The following KRT7 variants were observed in gnomAD, a reference collection of about 807,000 sequenced individuals.
The protein encoded by KRT7 is keratin 7.
KRT7 carries 50 observed loss-of-function variants against 42.8 expected under a neutral mutation model. That is an observed-to-expected ratio of 1.17 (90% CI 0.93 to 1.48). The LOEUF (loss-of-function observed/expected upper bound fraction) is 1.48. Among genes scored for constraint, KRT7 ranks in the 40% most tolerant of loss-of-function variants. The pLI is 0.00. For synonymous variants in KRT7, 268 were observed against 266.3 expected, an observed-to-expected ratio of 1.01 and a Z score of -0.06; for missense variants, 588 against 637.6, an observed-to-expected ratio of 0.92 and a Z score of 0.84.
chr12:52,245,063 AT>A (rs1942148106), intron 6 of KRT7: 1 of 354,738 alleles, frequency 2.8e-6, no homozygotes, highest in African/African-American at 2.2e-5. Flanking sequence ...TCACAATAGC[AT>A]TTATTAAGCA....
chr12:52,250,641 C>A (rs557169704), downstream of KRT7: 1 of 769,538 alleles, frequency 1.3e-6, no homozygotes, highest in Non-Finnish European at 2.2e-6. Context: ...GCTGCTGACA[C>A]CTGCCAGAGG....
chr12:52,252,417 G>C, downstream of KRT7: 4 of 1,614,170 alleles, frequency 2.5e-6, no homozygotes, highest in Non-Finnish European at 3.4e-6. Context: ...CTTGCAGCGG[G>C]CATCACTGAG....
chr12:52,243,334 C>G, intron 6 of KRT7, 197 bp downstream of exon 6: 1 of 619,942 alleles, frequency 1.6e-6, no homozygotes. Flanking sequence ...GAGAAAGGTC[C>G]TGGATGTGCA....
chr12:52,242,430 A>AG (rs917043814), intron 5 of KRT7, among the ~76,000 whole-genome samples: 23 of 152,166 alleles, frequency 1.5e-4, no homozygotes, highest in Non-Finnish European at 7.4e-5. Context: ...TCATGGTGGC[A>AG]GGACAGTTGA....
chr12:52,242,539 A>T (rs140342509), intron 5 of KRT7, among the ~76,000 whole-genome samples: 10 of 152,268 alleles, frequency 6.6e-5, no homozygotes, highest in African/African-American at 2.4e-4. Flanking sequence ...GCCCCTGCAG[A>T]GATAGAGAGT....
Position 52,233,561 on chromosome 12 carries a change from C to T in KRT7, c.265C>T (p.Gln89Ter). The part of the protein sequence containing the change: ...DADPSLQRVR[Q>*]EESEQIKTLN... Reference sequence around the variant, plus strand: ...CGACCCCTCCCTCCAGCGGGTGCGCCAGGAGGAGAGCGAGCAGATCAAGAC... The same window carrying T: ...CGACCCCTCCCTCCAGCGGGTGCGCTAGGAGGAGAGCGAGCAGATCAAGAC... The change falls in exon 1 of 9, where the codon CAG (glutamine) becomes TAG (stop). Residue 89 changes from glutamine (Q) to a stop codon, truncating the protein, a stop_gained. Coordinates refer to ENST00000331817, the MANE Select transcript of KRT7 (RefSeq NM_005556.4). LOFTEE classifies it high-confidence loss of function. 6.2e-7 allele frequency: 1 copy of T among 1,613,274 alleles called. No individual in the cohort carries two copies. Among genetic ancestry groups the T allele is most frequent in the South Asian group, 1.1e-5 (1 of 91,050 alleles).
chr12:52,233,875 G>C lies in KRT7; in HGVS notation c.324+255G>C, dbSNP rs187938470. 2.7e-4 allele frequency among the ~76,000 whole-genome samples: 41 copies of C among 152,194 alleles called. 1 individual carries two copies. The highest frequency in any genetic ancestry group is 9.1e-4 in the African/African-American group (38 of 41,540). On this transcript the variant is annotated intron_variant, in intron 1 of 8. Transcript: ENST00000331817. ...CCCCTCCCTTTCCTCCCGGAGTGCG[G>C]GCCTGAGTCCTGTAGGGCTGCCCTC...
chr12:52,252,537 C>T (rs1270160272), downstream of KRT7: 19 of 1,588,060 alleles, frequency 1.2e-5, no homozygotes, highest in Admixed American at 1.7e-5. Flanking sequence ...GGGTCAGAGG[C>T]CAGGTAACCA....
At chr12:52,250,735 A>C, downstream of KRT7, 1 of 446,952 alleles carries the variant, frequency 2.2e-6, no homozygotes, top group Non-Finnish European at 4.3e-6. Context: ...GCGCCCCTCA[A>C]ACCCTCACAT....
In KRT7 at chr12:52,233,486, C is replaced by T. The variant is rs138391469; in HGVS notation, c.190C>T (p.Arg64Cys). ...TGGGGGCCCGGTGGGCGCCGGCATC[C>T]GCGAGGTCACCATTAACCAGAGCCT... Reference protein sequence around the residue: ...AYGGPVGAGIREVTINQSLLA... With the variant: ...AYGGPVGAGICEVTINQSLLA... Residue 64 changes from arginine to cysteine, a missense_variant, in exon 1 of 9, where the codon CGC (arginine) becomes TGC (cysteine). Coordinates refer to ENST00000331817, the MANE Select transcript of KRT7 (RefSeq NM_005556.4). 929 of 1,610,680 alleles carry T rather than the reference C, an allele frequency of 5.8e-4. 1 individual carries two copies. Among genetic ancestry groups the T allele is most frequent in the Admixed American group, 1.6e-3 (98 of 59,858 alleles).
intron 3 of KRT7, among the ~76,000 whole-genome samples, chr12:52,238,291 G>A (rs1466340907): frequency 3.3e-5 from 5 of 152,308 alleles, no homozygotes; most frequent in East Asian, 1.9e-4. Context: ...CTCTGGGAGC[G>A]GGGCTGGGAA....
At chr12:52,241,380 C>T in intron 4 of KRT7, 92 bp from the exon 5 acceptor site, 1 of 1,185,156 alleles carries the variant, frequency 8.4e-7, no homozygotes, top group Non-Finnish European at 1.2e-6. Context: ...CAGCTGTTCT[C>T]TCTTTTCTTT....
downstream of KRT7, chr12:52,250,573 C>T: frequency 7.9e-7 from 1 of 1,258,738 alleles, no homozygotes; most frequent in Non-Finnish European, 1.1e-6. Context: ...CAGACGCTGC[C>T]CGTCACCGGC....
intron 8 of KRT7, 47 bp from the exon 9 acceptor site, chr12:52,248,544 G>C (rs1426732963): frequency 6.6e-7 from 1 of 1,516,136 alleles, no homozygotes; most frequent in East Asian, 2.3e-5. Flanking sequence ...TGGGGTCCCT[G>C]GTAGGGAGCC....
downstream of KRT7, chr12:52,252,607 A>G: frequency 7.5e-6 from 9 of 1,199,308 alleles, no homozygotes; most frequent in Non-Finnish European, 1.0e-5. Flanking sequence ...CAGGGGTTGC[A>G]AATTAGTGCT....
Position 52,235,308 on chromosome 12 carries a change from G to A in KRT7, c.478G>A (p.Gly160Ser), listed in dbSNP as rs143703930. ...GQLEALQVDG[G>S]RLEAELRSMQ... is the part of the protein sequence containing the mutation. ...GCTTGAGGCACTGCAGGTGGATGGGGGCCGCCTGGAGGCGGAGCTGCGGAG... is the reference window on the plus strand; with the variant it reads ...GCTTGAGGCACTGCAGGTGGATGGGAGCCGCCTGGAGGCGGAGCTGCGGAG... The change falls in exon 2 of 9, where the codon GGC (glycine) becomes AGC (serine). Residue 160 changes from glycine (G) to serine (S), a missense_variant. By Grantham distance (56) the Gly-to-Ser change is moderately conservative. Transcript: ENST00000331817. 2.1e-5 allele frequency: 34 copies of A among 1,613,884 alleles called. No homozygotes were observed. The highest frequency in any genetic ancestry group is 2.8e-5 in the Non-Finnish European group (33 of 1,179,984).
downstream of KRT7, among the ~76,000 whole-genome samples, chr12:52,252,873 A>C (rs73317426): frequency 9.5e-3 from 1,446 of 152,254 alleles, 34 homozygotes; most frequent in African/African-American, 0.033. Flanking sequence ...ATGTGTGATC[A>C]CTGATCTAGA....
At chr12:52,255,467 G>A (rs914594216), downstream of KRT7, 7 of 456,266 alleles carry the variant, frequency 1.5e-5, no homozygotes, top group African/African-American at 1.2e-4. Flanking sequence ...GGGAATGAAG[G>A]CACAGGCAAA....
rs1477947111 is a variant in KRT7, at chr12:52,237,644, AGC to A, written c.597+76_597+77del. On this transcript the variant is annotated intron_variant, in intron 3 of 8. Coordinates refer to ENST00000331817, the MANE Select transcript of KRT7 (RefSeq NM_005556.4). The stretch of plus-strand genomic sequence containing the variant: ...AAGGACCACAGGATCCTCTCACCTG[AGC>A]AGCCCATGGGGACCTCTGGCCAAGG... 3.7e-5 allele frequency: 49 copies of A among 1,319,504 alleles called. No homozygotes were observed. In the East Asian group the frequency reaches 1.2e-3, roughly 31 times the overall value. The allele number at this position is 1,319,504 out of a possible 1,614,324, so 81.7% of individuals were successfully genotyped here.
Sources: gnomAD v4.1 joint callset for allele counts (sites outside exome capture counted in the v4.1 genomes callset) on GRCh38, gnomAD v4.1.1 for gene constraint, MANE v1.5 for transcripts, NCBI Gene and HGNC (gene_info 2026-07-23, HGNC 2026-07-21) for gene names.